The following BMAL2 variants were observed in gnomAD, a reference collection of about 807,000 sequenced individuals.
BMAL2 encodes the protein basic helix-loop-helix ARNT-like protein 2.
the BMAL2 span, among the ~76,000 whole-genome samples, chr12:27,351,790 A>ATGCCC: frequency 0.069 from 10,454 of 152,260 alleles, 469 homozygotes; most frequent in Non-Finnish European, 0.1. Flanking sequence ...GTGGTGTGGC[A>ATGCCC]TGCCCACTCC....
the BMAL2 span, among the ~76,000 whole-genome samples, chr12:27,388,283 T>C: frequency 6.6e-6 from 1 of 152,166 alleles, no homozygotes; most frequent in Non-Finnish European, 1.5e-5. Flanking sequence ...TCCTCAGCTT[T>C]TCAGATTCAG....
chr12:27,413,886 A>G, the BMAL2 span, among the ~76,000 whole-genome samples: 1 of 152,114 alleles, frequency 6.6e-6, no homozygotes, highest in Admixed American at 6.5e-5. Context: ...GTCAAAAACT[A>G]AGCTGGGCAT....
the BMAL2 span, chr12:27,368,450 G>A: frequency 6.3e-7 from 1 of 1,594,178 alleles, no homozygotes; most frequent in Non-Finnish European, 8.6e-7. Context: ...TGAGATCTTT[G>A]ACTTTAGGGA....
At chr12:27,402,561 G>T in the BMAL2 span, 4 of 1,376,860 alleles carry the variant, frequency 2.9e-6, no homozygotes, top group African/African-American at 4.4e-5. Flanking sequence ...TAGTGTAGTT[G>T]CTATAACAGT....
chr12:27,398,616 C>A, the BMAL2 span, among the ~76,000 whole-genome samples: 2 of 152,132 alleles, frequency 1.3e-5, no homozygotes, highest in African/African-American at 4.8e-5. Flanking sequence ...TAGAATTACA[C>A]AATCCCAGCT....
At chr12:27,371,731 C>CAT in the BMAL2 span, among the ~76,000 whole-genome samples, 10 of 55,396 alleles carry the variant, frequency 1.8e-4, no homozygotes, top group South Asian at 5.0e-4. Context: ...CACACACACA[C>CAT]ATATATATAT....
At chr12:27,373,712 T>G in the BMAL2 span, among the ~76,000 whole-genome samples, 1 of 152,214 alleles carries the variant, frequency 6.6e-6, no homozygotes, top group Admixed American at 6.5e-5. Flanking sequence ...GGGAATATTT[T>G]GAGATTGCAT....
At chr12:27,403,352 T>C in the BMAL2 span, 1 of 957,130 alleles carries the variant, frequency 1.0e-6, no homozygotes, top group Non-Finnish European at 1.6e-6. Context: ...TCTGTTTCTT[T>C]TAAGGAGAGA....
At chr12:27,362,607 T>C in the BMAL2 span, among the ~76,000 whole-genome samples, 1 of 152,212 alleles carries the variant, frequency 6.6e-6, no homozygotes, top group Non-Finnish European at 1.5e-5. Context: ...TTCTGACTTT[T>C]GTCTTAACTA....
At chr12:27,380,705 A>G in the BMAL2 span, among the ~76,000 whole-genome samples, 2 of 152,302 alleles carry the variant, frequency 1.3e-5, no homozygotes, top group East Asian at 1.9e-4. Flanking sequence ...ATACCTCTCA[A>G]TTCTTTAGAA....
At chr12:27,345,288 ATTCTAGGTGTCTTTCTTTCCTT>A in the BMAL2 span, among the ~76,000 whole-genome samples, 1 of 152,194 alleles carries the variant, frequency 6.6e-6, no homozygotes, top group African/African-American at 2.4e-5. Context: ...ATTGAAATTC[ATTCTAGGTGTCTTTCTTTCCTT>A]TTCAGTTTCT....
the BMAL2 span, among the ~76,000 whole-genome samples, chr12:27,392,050 A>G: frequency 3.3e-5 from 5 of 152,194 alleles, no homozygotes; most frequent in Non-Finnish European, 5.9e-5. Context: ...TTCAGTTTCC[A>G]TATCTTTAAC....
At chr12:27,382,994 G>C in the BMAL2 span, among the ~76,000 whole-genome samples, 1 of 152,178 alleles carries the variant, frequency 6.6e-6, no homozygotes. Context: ...TCTCACCACA[G>C]TTTGCTGATG....
chr12:27,354,464 G>T, the BMAL2 span, among the ~76,000 whole-genome samples: 1 of 152,006 alleles, frequency 6.6e-6, no homozygotes, highest in East Asian at 1.9e-4. Flanking sequence ...ATTACCTATT[G>T]GGCACTGTGC....
chr12:27,409,839 TACTC>T, the BMAL2 span, among the ~76,000 whole-genome samples: 1 of 152,266 alleles, frequency 6.6e-6, no homozygotes, highest in South Asian at 2.1e-4. Context: ...TTTTGCAATC[TACTC>T]ATCGGACAAA....
At chr12:27,407,125 C>A in the BMAL2 span, among the ~76,000 whole-genome samples, 1 of 146,642 alleles carries the variant, frequency 6.8e-6, no homozygotes, top group Non-Finnish European at 1.5e-5. Context: ...GAGACTTAGA[C>A]CCTCACACAA....
At chr12:27,383,276 G>A in the BMAL2 span, among the ~76,000 whole-genome samples, 2 of 152,232 alleles carry the variant, frequency 1.3e-5, no homozygotes, top group Non-Finnish European at 2.9e-5. Flanking sequence ...AGTAATGCAT[G>A]TAGAGTACAG....
the BMAL2 span, among the ~76,000 whole-genome samples, chr12:27,408,603 A>G: frequency 2.6e-5 from 4 of 152,230 alleles, no homozygotes; most frequent in African/African-American, 4.8e-5. Context: ...TCAAAATAAT[A>G]AGAGCTATCT....
chr12:27,375,734 A>G, the BMAL2 span, among the ~76,000 whole-genome samples: 15 of 152,336 alleles, frequency 9.8e-5, no homozygotes, highest in African/African-American at 3.6e-4. Flanking sequence ...AGCCTGCATG[A>G]TTTTTAAATG....
Sources: allele counts gnomAD v4.1 joint callset (sites outside exome capture counted in the v4.1 genomes callset), GRCh38; gene constraint gnomAD v4.1.1; transcripts MANE v1.5; gene names NCBI Gene and HGNC (gene_info 2026-07-23, HGNC 2026-07-21).